CDH18: variants seen among roughly 807,000 people sequenced by gnomAD.
The protein encoded by CDH18 is cadherin 18.
CDH18 carries 31 observed loss-of-function variants against 67.9 expected under a neutral mutation model. The ratio of observed to expected loss-of-function variants is 0.46; its 90% confidence interval spans 0.34 to 0.62. The LOEUF (loss-of-function observed/expected upper bound fraction) is 0.62. Among genes scored for constraint, CDH18 ranks in the 20% least tolerant of loss-of-function variants. The pLI, the probability that CDH18 is intolerant of heterozygous loss-of-function variation, is 0.01. For missense variants in CDH18, 890 were observed against 975.5 expected, an observed-to-expected ratio of 0.91 and a Z score of 1.17; for synonymous variants, 362 against 347.2, an observed-to-expected ratio of 1.04 and a Z score of -0.48.
intron 2 of CDH18, among the ~76,000 whole-genome samples, chr5:20,104,418 T>C (rs896402834): frequency 2.6e-5 from 4 of 152,152 alleles, no homozygotes; most frequent in Non-Finnish European, 5.9e-5. Context: ...TTTTGACCCA[T>C]GATGTAAACA....
intron 2 of CDH18, among the ~76,000 whole-genome samples, chr5:20,209,970 T>G (rs1168819700): frequency 2.0e-5 from 3 of 151,468 alleles, no homozygotes; most frequent in East Asian, 3.9e-4. Flanking sequence ...ATATATAATT[T>G]AAGAAGTAAT....
intron 1 of CDH18, among the ~76,000 whole-genome samples, chr5:20,543,727 C>T (rs1757181545): frequency 6.6e-6 from 1 of 152,114 alleles, no homozygotes; most frequent in Admixed American, 6.5e-5. Flanking sequence ...ACAAACTTTA[C>T]TCTCTGATTA....
chr5:19,935,906 G>A (rs1235620163), intron 2 of CDH18, among the ~76,000 whole-genome samples: 1 of 142,440 alleles, frequency 7.0e-6, no homozygotes, highest in Non-Finnish European at 1.5e-5. Flanking sequence ...GATGTGTTTC[G>A]CTTAATTGTT....
intron 5 of CDH18, among the ~76,000 whole-genome samples, chr5:19,705,902 C>T (rs982031413): frequency 6.6e-6 from 1 of 152,112 alleles, no homozygotes; most frequent in African/African-American, 2.4e-5. Flanking sequence ...TTGAAATTAA[C>T]TAATTGGGTT....
At chr5:19,475,786 C>A (rs1272296486) in intron 12 of CDH18, among the ~76,000 whole-genome samples, 1 of 151,888 alleles carries the variant, frequency 6.6e-6, no homozygotes, top group Non-Finnish European at 1.5e-5. Flanking sequence ...GTCTGGCAAC[C>A]TTGATTATAA....
At chr5:19,986,637 T>C (rs1200818875) in intron 1 of CDH18, among the ~76,000 whole-genome samples, 2 of 152,132 alleles carry the variant, frequency 1.3e-5, no homozygotes, top group Non-Finnish European at 2.9e-5. Flanking sequence ...AATTTATTAT[T>C]AAGATATCCA....
intron 2 of CDH18, among the ~76,000 whole-genome samples, chr5:20,139,364 T>TG (rs1750037557): frequency 6.6e-6 from 1 of 152,122 alleles, no homozygotes; most frequent in Non-Finnish European, 1.5e-5. Flanking sequence ...ATAAAAACTC[T>TG]AGAAGAAAAC....
At chr5:20,503,841 C>A (rs1754485482) in intron 1 of CDH18, among the ~76,000 whole-genome samples, 1 of 152,092 alleles carries the variant, frequency 6.6e-6, no homozygotes, top group Non-Finnish European at 1.5e-5. Flanking sequence ...AGTTCAAGAC[C>A]AGCCTGGGCA....
chr5:20,136,685 G>C (rs1444134587), intron 2 of CDH18, among the ~76,000 whole-genome samples: 2 of 152,082 alleles, frequency 1.3e-5, no homozygotes, highest in African/African-American at 4.8e-5. Context: ...TTCTAGCATT[G>C]ATGATTTTTA....
At chr5:19,690,091 A>G (rs1002707249) in intron 5 of CDH18, among the ~76,000 whole-genome samples, 1 of 151,202 alleles carries the variant, frequency 6.6e-6, no homozygotes, top group Non-Finnish European at 1.5e-5. Context: ...GTGTATATAT[A>G]TATATACATA....
chr5:19,818,490 TG>T (rs144580574), intron 3 of CDH18, among the ~76,000 whole-genome samples: 12,352 of 152,260 alleles, frequency 0.081, 516 homozygotes, highest in African/African-American at 0.1. Context: ...ACGAACAAAT[TG>T]TTTTAAAATT....
At chr5:20,545,910 T>G (rs910064812) in intron 1 of CDH18, among the ~76,000 whole-genome samples, 12 of 152,220 alleles carry the variant, frequency 7.9e-5, no homozygotes, top group Admixed American at 7.9e-4. Context: ...GCTTCCCTTT[T>G]AAATGTAAGT....
chr5:19,802,435 A>C (rs1424539354), intron 3 of CDH18, among the ~76,000 whole-genome samples: 1 of 152,178 alleles, frequency 6.6e-6, no homozygotes, highest in Non-Finnish European at 1.5e-5. Context: ...AGTGACCTCT[A>C]ATTCTTCTGA....
chr5:20,568,398 T>C (rs886518532), intron 1 of CDH18, among the ~76,000 whole-genome samples: 1 of 152,156 alleles, frequency 6.6e-6, no homozygotes, highest in Non-Finnish European at 1.5e-5. Context: ...AGGAAAACTT[T>C]ATTAAGTAAT....
At chr5:20,566,203 AG>A (rs1758492632) in intron 1 of CDH18, among the ~76,000 whole-genome samples, 1 of 152,138 alleles carries the variant, frequency 6.6e-6, no homozygotes, top group Non-Finnish European at 1.5e-5. Flanking sequence ...TGGATCATCA[AG>A]TAATAGAAGG....
chr5:19,481,151 C>T (rs1256637586), intron 12 of CDH18, among the ~76,000 whole-genome samples: 2 of 152,192 alleles, frequency 1.3e-5, no homozygotes, highest in African/African-American at 4.8e-5. Context: ...TCACTGTCCT[C>T]TGCTATCTCA....
chr5:19,595,903 C>T (rs1195023018), intron 6 of CDH18, among the ~76,000 whole-genome samples: 1 of 152,088 alleles, frequency 6.6e-6, no homozygotes, highest in African/African-American at 2.4e-5. Context: ...TGTAAAACAC[C>T]CTCTTCTTTT....
chr5:19,698,794 G>C (rs1315463560), intron 5 of CDH18, among the ~76,000 whole-genome samples: 2 of 152,116 alleles, frequency 1.3e-5, no homozygotes, highest in African/African-American at 2.4e-5. Context: ...GTGTCTTGGA[G>C]AGATTGGGAT....
chr5:20,442,312 G>A (rs925494132), intron 1 of CDH18, among the ~76,000 whole-genome samples: 5 of 151,908 alleles, frequency 3.3e-5, no homozygotes, highest in South Asian at 2.1e-4. Context: ...TTAAAATAGC[G>A]TCAAATGAGG....
Sources: gnomAD v4.1 joint callset for allele counts (sites outside exome capture counted in the v4.1 genomes callset) on GRCh38, gnomAD v4.1.1 for gene constraint, MANE v1.5 for transcripts, NCBI Gene and HGNC (gene_info 2026-07-23, HGNC 2026-07-21) for gene names.